The following WDR11 variants were observed in gnomAD, a reference collection of about 807,000 sequenced individuals.
The protein encoded by WDR11 is WD repeat-containing protein 11.
A neutral mutation model predicts 151.2 loss-of-function variants in WDR11; 83 were observed. That is an observed-to-expected ratio of 0.55 (90% CI 0.46 to 0.66). WDR11 has a LOEUF of 0.66. WDR11 is among the 30% of genes least tolerant of loss of function. The probability of loss-of-function intolerance (pLI) is 0.00; values close to 1 mark genes in which losing one functional copy is unlikely to be tolerated. For synonymous variants in WDR11, 484 were observed against 533.1 expected (o/e 0.91, Z 1.27); for missense variants, 1,301 against 1,480.9 (o/e 0.88, Z 1.99).
chr10:120,890,824 A>C lies in WDR11; in HGVS notation c.2452A>C (p.Ile818Leu), dbSNP rs1349194299. 2 of 1,614,226 alleles carry C rather than the reference A, an allele frequency of 1.2e-6. No homozygotes were observed. The highest frequency in any genetic ancestry group is 8.5e-7 in the Non-Finnish European group (1 of 1,180,038). ...GATCTTGGCCTCAGATGATGGGTGC[A>C]TCAGAGTCCTAGAGATGTCTATGAA... ...KVILASDDGC[I>L]RVLEMSMKSA... Residue 818 changes from isoleucine (I) to leucine (L), a missense_variant, in exon 19 of 29, where the codon ATC (isoleucine) becomes CTC (leucine). Ile to Leu is a conservative substitution (Grantham distance 5). Coordinates refer to ENST00000263461, the MANE Select transcript of WDR11 (RefSeq NM_018117.12).
chr10:120,903,319 A>C, intron 23 of WDR11, 87 bp downstream of exon 23: 1 of 1,502,114 alleles, frequency 6.7e-7, no homozygotes, highest in East Asian at 2.3e-5. Flanking sequence ...GGAAACTTTC[A>C]AACTAAGTTA....
chr10:120,877,126 G>A (rs1044314113), intron 11 of WDR11, among the ~76,000 whole-genome samples: 2 of 152,116 alleles, frequency 1.3e-5, no homozygotes, highest in African/African-American at 4.8e-5. Flanking sequence ...TTTAAGTAAG[G>A]TTTATTATCC....
chr10:120,879,828 G>C (rs896478593), intron 12 of WDR11: 1 of 152,180 alleles, frequency 6.6e-6, no homozygotes, highest in African/African-American at 2.4e-5. Context: ...CTTGAATTGA[G>C]TATGTTCTCT....
rs1431466083 is a variant in WDR11 at position 120,871,168 on chromosome 10, A to G, written c.1295-2A>G. On this transcript the variant is annotated splice_acceptor_variant, in intron 9 of 28. Coordinates refer to ENST00000263461, the MANE Select transcript of WDR11 (RefSeq NM_018117.12). LOFTEE classifies it high-confidence loss of function. Reference sequence around the variant, plus strand: ...ATATTTGTTATTTTTATTACAAATCAGGGCAAAGTGCAATTGCTGGGGAAG... The same window carrying G: ...ATATTTGTTATTTTTATTACAAATCGGGGCAAAGTGCAATTGCTGGGGAAG... 11 of 1,614,046 alleles carry G rather than the reference A, an allele frequency of 6.8e-6. No homozygotes were observed. In the Admixed American group the frequency reaches 1.8e-4, roughly 27 times the overall value.
intron 19 of WDR11, among the ~76,000 whole-genome samples, chr10:120,891,232 G>C (rs996244785): frequency 6.6e-6 from 1 of 152,136 alleles, no homozygotes; most frequent in South Asian, 2.1e-4. Context: ...TGATAAGGCT[G>C]CTGGCTTTTT....
chr10:120,906,012 C>T lies in WDR11; in HGVS notation c.3428C>T (p.Thr1143Met), dbSNP rs751882553. Residue 1143 changes from threonine to methionine, a missense_variant, in exon 27 of 29, where the codon ACG (threonine) becomes ATG (methionine). Transcript: ENST00000263461. ...SLGCFFSVAETLHSMRYFDRA... is the reference protein window; with the variant it reads ...SLGCFFSVAEMLHSMRYFDRA... ...GGCTGCTTTTTTAGCGTGGCAGAGACGCTTCACAGGTAAACCGAGAGTTCA... is the reference window on the plus strand; with the variant it reads ...GGCTGCTTTTTTAGCGTGGCAGAGATGCTTCACAGGTAAACCGAGAGTTCA... The T allele has an allele frequency of 1.7e-5, 27 of 1,613,612 alleles. No individual in the cohort carries two copies. The highest frequency in any genetic ancestry group is 1.7e-4 in the Middle Eastern group (1 of 5,728).
intron 13 of WDR11, 33 bp from the exon 14 acceptor site, chr10:120,883,747 A>C: frequency 5.6e-6 from 9 of 1,605,976 alleles, no homozygotes; most frequent in Non-Finnish European, 7.7e-6. Context: ...TTTTTGCAAA[A>C]AGGGGCTTAT....
rs376004294 is a variant in WDR11, at chr10:120,858,834, A to G, written c.352+38A>G. ...TGCTCAGCTAAGTGTGTATATTGAT[A>G]CACTTACTCTTGGAGTGGTTTTTTG... On this transcript the variant is annotated intron_variant, in intron 3 of 28. Transcript: ENST00000263461. The G allele has an allele frequency of 5.6e-6, 9 of 1,613,410 alleles. No individual in the cohort carries two copies. In the African/African-American group the frequency reaches 1.2e-4, roughly 22 times the overall value.
chr10:120,855,890 G>T (rs2133725311), intron 2 of WDR11, among the ~76,000 whole-genome samples: 1 of 152,290 alleles, frequency 6.6e-6, no homozygotes, highest in South Asian at 2.1e-4. Flanking sequence ...CTACTACAAT[G>T]AATGGGAGAG....
Position 120,886,715 on chromosome 10 carries a change from C to A in WDR11, c.2000C>A (p.Ser667Tyr). ...ISLLQEAESKSELSQNISARE... is the reference protein window; with the variant it reads ...ISLLQEAESKYELSQNISARE... ...TTGCTGCAGGAGGCAGAAAGTAAAT[C>A]TGAACTTAGTCAGAACATCTCTGCC... The change falls in exon 16 of 29, where the codon TCT becomes TAT. Residue 667 changes from serine (S) to tyrosine (Y), a missense_variant. Physicochemically the swap from Ser to Tyr is moderately radical, Grantham distance 144 (BLOSUM62 -2). Around this residue, in one of 3 missense-constraint regions of WDR11, gnomAD observed 589 missense variants for 670.6 expected, o/e 0.88. Coordinates refer to ENST00000263461, the MANE Select transcript of WDR11 (RefSeq NM_018117.12). 1 of 1,613,880 alleles carries A rather than the reference C, an allele frequency of 6.2e-7. No homozygotes were observed.
intron 28 of WDR11, chr10:120,908,050 C>A: frequency 5.9e-6 from 1 of 169,302 alleles, no homozygotes; most frequent in Admixed American, 5.5e-5. Flanking sequence ...ATCAAAGCAT[C>A]AGCACAGAGT....
At chr10:120,859,954 TACACACACACACAC>T (rs3217470) in intron 3 of WDR11, among the ~76,000 whole-genome samples, 141 bp from the exon 4 acceptor site, 1 of 150,724 alleles carries the variant, frequency 6.6e-6, no homozygotes. Context: ...GGAATATTGA[TACACACACACACAC>T]ACACACACAC....
chr10:120,890,946 T>A, intron 19 of WDR11, 59 bp downstream of exon 19: 1 of 1,559,886 alleles, frequency 6.4e-7, no homozygotes, highest in Non-Finnish European at 8.8e-7. Flanking sequence ...CACAAGCTCT[T>A]GTATTTTGGG....
chr10:120,888,734 T>C (rs1047000853), intron 16 of WDR11, among the ~76,000 whole-genome samples: 1 of 152,228 alleles, frequency 6.6e-6, no homozygotes, highest in East Asian at 1.9e-4. Context: ...GAGAGATAAG[T>C]TTGAGTTGGC....
At chr10:120,888,247 T>C (rs954809763) in intron 16 of WDR11, among the ~76,000 whole-genome samples, 1 of 152,236 alleles carries the variant, frequency 6.6e-6, no homozygotes, top group Non-Finnish European at 1.5e-5. Context: ...CCTTTGCCTT[T>C]ATAAATTTAT....
chr10:120,852,514 G>T lies in WDR11; in HGVS notation c.87-10G>T. 1 of 1,612,940 alleles carries T rather than the reference G, an allele frequency of 6.2e-7. No individual in the cohort carries two copies. Among genetic ancestry groups the T allele is most frequent in the Non-Finnish European group, 8.5e-7 (1 of 1,179,086 alleles). On this transcript the variant is annotated splice_polypyrimidine_tract_variant and intron_variant, in intron 1 of 28. Transcript: ENST00000263461. ...TCTGTACTTAAACTTTAACATTACT[G>T]TTTTGCTAGGGGCTGGCAAGGTTTA...
At chr10:120,888,586 C>A (rs1847305376) in intron 16 of WDR11, among the ~76,000 whole-genome samples, 1 of 152,222 alleles carries the variant, frequency 6.6e-6, no homozygotes, top group Non-Finnish European at 1.5e-5. Context: ...AGCATCTCTT[C>A]ACCTTCATGA....
intron 19 of WDR11, among the ~76,000 whole-genome samples, chr10:120,896,786 G>A (rs944570492): frequency 5.9e-5 from 9 of 152,170 alleles, no homozygotes; most frequent in Non-Finnish European, 1.3e-4. Context: ...AATGGCGGTG[G>A]TGGGAAGAAA....
chr10:120,855,059 A>G (rs1471219577), intron 2 of WDR11, among the ~76,000 whole-genome samples: 1 of 152,198 alleles, frequency 6.6e-6, no homozygotes, highest in Non-Finnish European at 1.5e-5. Flanking sequence ...CTTACCTATG[A>G]TCAAGTTTAT....
Sources: allele counts gnomAD v4.1 joint callset (sites outside exome capture counted in the v4.1 genomes callset), GRCh38; gene constraint gnomAD v4.1.1; regional missense constraint gnomAD v4.1.1; transcripts MANE v1.5; gene names NCBI Gene and HGNC (gene_info 2026-07-23, HGNC 2026-07-21).